Variants in ASIC2 observed in about 807,000 individuals in gnomAD.
ASIC2 encodes the protein acid-sensing ion channel 2.
ASIC2 carries 25 observed loss-of-function variants against 57.3 expected under a neutral mutation model. That is an observed-to-expected ratio of 0.44 (90% confidence interval 0.32 to 0.61). The LOEUF is 0.61. Ranked by LOEUF, ASIC2 falls within the 20% of genes least tolerant of loss-of-function variation. ASIC2 has a pLI of 0.06. For missense variants in ASIC2, 641 were observed against 738.1 expected (o/e 0.87, Z 1.52); for synonymous variants, 319 against 307.5 (o/e 1.04, Z -0.39).
At chr17:34,043,442 G>A (rs770313549) in intron 1 of ASIC2, among the ~76,000 whole-genome samples, 12 of 152,216 alleles carry the variant, frequency 7.9e-5, no homozygotes, top group Non-Finnish European at 1.0e-4. Flanking sequence ...CTAAGGCTGT[G>A]TAGCCAGGAG....
intron 1 of ASIC2, among the ~76,000 whole-genome samples, chr17:33,157,778 T>A (rs1905047488): frequency 1.3e-5 from 2 of 152,108 alleles, no homozygotes; most frequent in African/African-American, 4.8e-5. Flanking sequence ...GCAGCTGGAG[T>A]GCTAATAACG....
At chr17:34,077,957 CT>C (rs1230663077) in intron 1 of ASIC2, among the ~76,000 whole-genome samples, 1 of 152,090 alleles carries the variant, frequency 6.6e-6, no homozygotes, top group Non-Finnish European at 1.5e-5. Context: ...CCAGGACATC[CT>C]GGGTTAAAGT....
At chr17:33,196,161 A>G (rs1906619111) in intron 1 of ASIC2, among the ~76,000 whole-genome samples, 1 of 152,222 alleles carries the variant, frequency 6.6e-6, no homozygotes, top group Non-Finnish European at 1.5e-5. Context: ...CGTTCCTAAA[A>G]TTCCTTGTTA....
At chr17:33,884,710 C>G (rs998215903) in intron 1 of ASIC2, among the ~76,000 whole-genome samples, 1 of 152,018 alleles carries the variant, frequency 6.6e-6, no homozygotes, top group Non-Finnish European at 1.5e-5. Flanking sequence ...TCAGATACCC[C>G]CCACCCCATC....
At chr17:33,557,167 T>C (rs1315740608) in intron 1 of ASIC2, among the ~76,000 whole-genome samples, 1 of 152,200 alleles carries the variant, frequency 6.6e-6, no homozygotes, top group Non-Finnish European at 1.5e-5. Flanking sequence ...TTATTCAGTA[T>C]AAGGTGGCCT....
chr17:33,902,828 G>A (rs2141954458), intron 1 of ASIC2, among the ~76,000 whole-genome samples: 1 of 152,300 alleles, frequency 6.6e-6, no homozygotes, highest in East Asian at 1.9e-4. Flanking sequence ...AGCCAGAACT[G>A]TTAAGGTCCT....
At chr17:33,208,408 G>C (rs1279781560) in intron 1 of ASIC2, among the ~76,000 whole-genome samples, 1 of 152,142 alleles carries the variant, frequency 6.6e-6, no homozygotes, top group Non-Finnish European at 1.5e-5. Flanking sequence ...CAGACTCGGT[G>C]CCGCAGTCCT....
At chr17:33,623,602 C>T (rs78690857) in intron 1 of ASIC2, 2 of 151,940 alleles carry the variant, frequency 1.3e-5, no homozygotes, top group African/African-American at 4.8e-5. Flanking sequence ...GTAATAGGAC[C>T]CGAACAGCTA....
chr17:34,140,898 A>T (rs1199231703), intron 1 of ASIC2, among the ~76,000 whole-genome samples: 1 of 152,252 alleles, frequency 6.6e-6, no homozygotes, highest in African/African-American at 2.4e-5. Context: ...GGATGATAAA[A>T]CCAGAGGGTG....
rs139860349 is a variant in ASIC2, at chr17:33,479,652, C to T, written c.556-367585G>A. ...ACCTTCCACATTCACAAAAGCCATGCAGTCAAAGCCCTGGGCATAACCCGT... is the reference window on the plus strand; with the variant it reads ...ACCTTCCACATTCACAAAAGCCATGTAGTCAAAGCCCTGGGCATAACCCGT... On this transcript the variant is annotated intron_variant, in intron 1 of 9. Coordinates refer to the ASIC2 transcript ENST00000359872. 8.5e-4 allele frequency among the ~76,000 whole-genome samples: 130 copies of T among 152,296 alleles called. 1 individual carries two copies. The highest frequency in any genetic ancestry group is 2.8e-3 in the African/African-American group (116 of 41,556).
chr17:34,124,028 C>T (rs1911702565), intron 1 of ASIC2, among the ~76,000 whole-genome samples: 1 of 152,084 alleles, frequency 6.6e-6, no homozygotes. Flanking sequence ...GTTGCATGAG[C>T]CAAGATCATG....
chr17:33,736,591 TTTTTG>T (rs548739841), intron 1 of ASIC2, among the ~76,000 whole-genome samples: 2 of 152,292 alleles, frequency 1.3e-5, no homozygotes, highest in South Asian at 2.1e-4. Flanking sequence ...TCACTGACTC[TTTTTG>T]TTTTAAGTTT....
chr17:33,253,358 T>C (rs1908950973), intron 1 of ASIC2, among the ~76,000 whole-genome samples: 2 of 152,138 alleles, frequency 1.3e-5, no homozygotes, highest in South Asian at 4.1e-4. Context: ...AACACAATCA[T>C]GTGTGCATGC....
intron 1 of ASIC2, among the ~76,000 whole-genome samples, chr17:33,119,239 G>A (rs866147363): frequency 1.3e-5 from 2 of 152,088 alleles, no homozygotes; most frequent in Non-Finnish European, 2.9e-5. Flanking sequence ...CTTATTACAC[G>A]TGAAGGAAAT....
chr17:33,119,058 A>G (rs568849149), intron 1 of ASIC2, among the ~76,000 whole-genome samples: 6 of 152,176 alleles, frequency 3.9e-5, no homozygotes, highest in Non-Finnish European at 8.8e-5. Context: ...CAACATTTCT[A>G]CGCTGTGTAC....
At position 33,384,010 on chromosome 17, in the gene ASIC2, A is replaced by C. The variant is rs1164018885; in HGVS notation, c.556-271943T>G. 4.6e-5 allele frequency among the ~76,000 whole-genome samples: 7 copies of C among 152,324 alleles called. No homozygotes were observed. The South Asian group carries it at 1.0e-3, about 23-fold the overall frequency. ...GTGGAAGCTAAGCATGCATTATTAAAAGTAGAGGAACTAGAAGGAAGGAAG... is the reference window on the plus strand; with the variant it reads ...GTGGAAGCTAAGCATGCATTATTAACAGTAGAGGAACTAGAAGGAAGGAAG... On this transcript the variant is annotated intron_variant, in intron 1 of 9. Coordinates refer to the ASIC2 transcript ENST00000359872.
chr17:33,318,309 G>T (rs2142212665), intron 1 of ASIC2, among the ~76,000 whole-genome samples: 1 of 152,170 alleles, frequency 6.6e-6, no homozygotes, highest in Non-Finnish European at 1.5e-5. Context: ...TTCTCCATTT[G>T]CATGTGAGTT....
rs1264308163 is a variant in ASIC2 at position 33,685,949 on chromosome 17, G to A, written c.555+470029C>T. ...CTGCTGCTCTCAGTCACGGGGGACC[G>A]GGACACGGGGGACCAGGGACTCGCT... On this transcript the variant is annotated intron_variant, in intron 1 of 9. Coordinates refer to the ASIC2 transcript ENST00000359872. Among the ~76,000 whole-genome samples, 5 of 152,198 alleles carry A rather than the reference G, an allele frequency of 3.3e-5. No individual in the cohort carries two copies. The East Asian group carries it at 7.7e-4, about 24-fold the overall frequency.
chr17:33,991,882 T>C (rs573177023), intron 1 of ASIC2, among the ~76,000 whole-genome samples: 71 of 152,308 alleles, frequency 4.7e-4, no homozygotes, highest in African/African-American at 1.7e-3. Context: ...CAAGATTGGA[T>C]TTCCTTTCTG....
Sources: gnomAD v4.1 joint callset for allele counts (sites outside exome capture counted in the v4.1 genomes callset) on GRCh38, gnomAD v4.1.1 for gene constraint, MANE v1.5 for transcripts, NCBI Gene and HGNC (gene_info 2026-07-23, HGNC 2026-07-21) for gene names.